NCAPH: variants seen among roughly 807,000 people sequenced by gnomAD.
NCAPH encodes the protein non-SMC condensin I complex subunit H.
In NCAPH, 38 loss-of-function variants were observed where a neutral mutation model predicts 85.5. The observed-to-expected ratio is 0.44, with a 90% CI of 0.34 to 0.58. The LOEUF (loss-of-function observed/expected upper bound fraction) is 0.58. Ranked by LOEUF, NCAPH falls within the 20% of genes least tolerant of loss-of-function variation. NCAPH has a pLI of 0.01. For synonymous variants in NCAPH, 301 were observed against 335.1 expected (o/e 0.90, Z 1.11); for missense variants, 789 against 916.6 (o/e 0.86, Z 1.80).
In NCAPH at chr2:96,355,580, T is replaced by A. The variant is rs149707411; in HGVS notation, c.1208+1192T>A. Among the ~76,000 whole-genome samples, 213 of 152,204 alleles carry A rather than the reference T, an allele frequency of 1.4e-3. 5 individuals are homozygous for A. The East Asian group carries it at 0.035, about 25-fold the overall frequency. Reference sequence around the variant, plus strand: ...AGTAGCACCCTGCTCTCCGGAATTGTACTGTTCACATGGCTGCAATTTTGC... The same window carrying A: ...AGTAGCACCCTGCTCTCCGGAATTGAACTGTTCACATGGCTGCAATTTTGC... On this transcript the variant is annotated intron_variant, in intron 9 of 17. Coordinates refer to ENST00000240423, the MANE Select transcript of NCAPH (RefSeq NM_015341.5).
chr2:96,360,483 G>A (rs1340345263), intron 11 of NCAPH, 105 bp from the exon 12 acceptor site: 2 of 1,308,352 alleles, frequency 1.5e-6, no homozygotes, highest in Non-Finnish European at 2.1e-6. Flanking sequence ...TGAGACTGAT[G>A]GTAGACTCAT....
At chr2:96,362,757 C>G (rs889268394) in intron 12 of NCAPH, among the ~76,000 whole-genome samples, 3 of 152,088 alleles carry the variant, frequency 2.0e-5, no homozygotes, top group Admixed American at 1.3e-4. Flanking sequence ...CCTGATAAAA[C>G]TTGAATGGAT....
chr2:96,373,488 G>C lies in NCAPH; in HGVS notation c.*137G>C, dbSNP rs1004649684. The stretch of plus-strand genomic sequence containing the variant: ...CTACCAACGTGCCTGTTTGTTTGTT[G>C]CTCTTTCCTTCTCTCCATCATAGTC... On this transcript the variant is annotated 3_prime_UTR_variant, in exon 18 of 18. Coordinates refer to ENST00000240423, the MANE Select transcript of NCAPH (RefSeq NM_015341.5). 4 of 778,624 alleles carry C rather than the reference G, an allele frequency of 5.1e-6. No homozygotes were observed. The African/African-American group carries it at 6.9e-5, about 13-fold the overall frequency. 48.2% of individuals were successfully genotyped at this position (778,624 alleles called of 1,614,324 possible).
At chr2:96,354,445 TC>T (rs578211198) in intron 9 of NCAPH, 57 bp downstream of exon 9, 222 of 1,326,368 alleles carry the variant, frequency 1.7e-4, no homozygotes, top group Non-Finnish European at 2.0e-4. Flanking sequence ...GGTTCTTTTT[TC>T]TTTTTCTTTT....
chr2:96,361,751 T>TATATATATATATATAC (rs2064613411), intron 12 of NCAPH, among the ~76,000 whole-genome samples: 1 of 114,088 alleles, frequency 8.8e-6, no homozygotes, highest in African/African-American at 3.1e-5. Flanking sequence ...ATTTTAATGA[T>TATATATATATATATAC]ATATATATAT....
chr2:96,373,268 A>G (rs1316064064), intron 17 of NCAPH, 24 bp from the exon 18 acceptor site: 3 of 1,598,426 alleles, frequency 1.9e-6, no homozygotes, highest in Admixed American at 3.3e-5. Context: ...ACCAAAGTCC[A>G]TGCATGTTTT....
At position 96,353,307 on chromosome 2, in the gene NCAPH, G is replaced by A. The variant is rs111646386; in HGVS notation, c.912G>A (p.Ala304=). ...TTGTGATCTTGCTATCCTCTCCAGC[G>A]CCCTTGCAGCAGTGTGCAGAAGATC... is the stretch of plus-strand genomic sequence containing the variant. ...LGCVEMTDLK[A]PLQQCAEDRQ... Residue 304 remains alanine, a splice_region_variant and synonymous_variant, in exon 8 of 18, where the codon GCG becomes GCA. Transcript: ENST00000240423. 6.2e-6 allele frequency: 10 copies of A among 1,613,972 alleles called. No individual in the cohort carries two copies. Among genetic ancestry groups the A allele is most frequent in the South Asian group, 1.1e-5 (1 of 91,072 alleles).
intron 17 of NCAPH, among the ~76,000 whole-genome samples, chr2:96,370,036 T>G (rs1179982898): frequency 6.6e-6 from 1 of 152,236 alleles, no homozygotes. Flanking sequence ...AACAGCTGCA[T>G]AGCCATGGGA....
chr2:96,340,276 A>G (rs1269319637), intron 1 of NCAPH, among the ~76,000 whole-genome samples: 1 of 151,638 alleles, frequency 6.6e-6, no homozygotes, highest in East Asian at 1.9e-4. Flanking sequence ...TACCCTCTAC[A>G]TGCTGATGAC....
chr2:96,353,754 C>A (rs1174288356), intron 8 of NCAPH, among the ~76,000 whole-genome samples: 1 of 152,154 alleles, frequency 6.6e-6, no homozygotes, highest in Non-Finnish European at 1.5e-5. Flanking sequence ...GAGGAATTTC[C>A]TGCTCTTTGG....
intron 6 of NCAPH, among the ~76,000 whole-genome samples, chr2:96,346,883 T>C (rs1188372158): frequency 6.6e-6 from 1 of 151,946 alleles, no homozygotes; most frequent in Non-Finnish European, 1.5e-5. Flanking sequence ...ATGGAGACCA[T>C]TGAAGGAGAG....
intron 1 of NCAPH, 116 bp downstream of exon 1, chr2:96,335,964 C>A: frequency 2.0e-6 from 2 of 979,924 alleles, no homozygotes; most frequent in South Asian, 2.5e-5. Context: ...CAGCTCGGGT[C>A]TTGGCCCTGC....
rs769955260 is a variant in NCAPH at position 96,360,677 on chromosome 2, T to A, written c.1554T>A (p.Thr518=). The A allele has an allele frequency of 7.4e-6, 12 of 1,614,066 alleles. No individual in the cohort carries two copies. In the African/African-American group the frequency reaches 1.2e-4, roughly 16 times the overall value. Reference sequence around the variant, plus strand: ...CAGATTTCAACTACAATGTTGACACTCTGGTCCAGCTTCACCTCAAACCAG... The same window carrying A: ...CAGATTTCAACTACAATGTTGACACACTGGTCCAGCTTCACCTCAAACCAG... The part of the protein sequence containing the change: ...LPTDFNYNVD[T]LVQLHLKPGT... Residue 518 remains threonine (T), a synonymous_variant, in exon 12 of 18, where the codon ACT becomes ACA. Transcript: ENST00000240423.
At chr2:96,336,246 AGCAT>A (rs1454920405) in intron 1 of NCAPH, among the ~76,000 whole-genome samples, 1 of 152,216 alleles carries the variant, frequency 6.6e-6, no homozygotes, top group East Asian at 1.9e-4. Context: ...TTGTATGCTT[AGCAT>A]GCATGCATTT....
Position 96,368,972 on chromosome 2 carries a change from G to T in NCAPH, c.1999G>T (p.Ala667Ser), listed in dbSNP as rs1344201030. 6.4e-7 allele frequency: 1 copy of T among 1,552,056 alleles called. No homozygotes were observed. Residue 667 changes from alanine (A) to serine (S), a missense_variant and splice_region_variant, in exon 16 of 18, where the codon GCA (alanine) becomes TCA (serine). Transcript: ENST00000240423. ...CGATGTATAAATGTGCTTCTGTTAG[G>T]CAAACCACAGGGAAGCTGGAAAAGA... ...ALSGKEADAE[A>S]NHREAGKEAA...
chr2:96,338,650 C>A (rs928970045), intron 1 of NCAPH, among the ~76,000 whole-genome samples: 30 of 152,052 alleles, frequency 2.0e-4, no homozygotes, highest in African/African-American at 7.2e-4. Flanking sequence ...GATGTGATGA[C>A]AGAACAAGAG....
At chr2:96,360,830 CG>C in intron 12 of NCAPH, 120 bp downstream of exon 12, 2 of 1,286,622 alleles carry the variant, frequency 1.6e-6, no homozygotes, top group Non-Finnish European at 1.1e-6. Flanking sequence ...TTAGCCAAAG[CG>C]TGTTGCCAGG....
chr2:96,356,830 G>A (rs2064531437), intron 9 of NCAPH, among the ~76,000 whole-genome samples: 1 of 152,208 alleles, frequency 6.6e-6, no homozygotes, highest in Non-Finnish European at 1.5e-5. Flanking sequence ...AATGCTGAGT[G>A]ATAAATACCA....
chr2:96,359,869 T>C (rs1451439230), intron 10 of NCAPH, among the ~76,000 whole-genome samples: 1 of 152,246 alleles, frequency 6.6e-6, no homozygotes, highest in Non-Finnish European at 1.5e-5. Context: ...GTGATCCTCC[T>C]GCCTTAGCCT....
Sources: allele counts gnomAD v4.1 joint callset (sites outside exome capture counted in the v4.1 genomes callset), GRCh38; gene constraint gnomAD v4.1.1; transcripts MANE v1.5; gene names NCBI Gene and HGNC (gene_info 2026-07-23, HGNC 2026-07-21).